Variants in ITGBL1 observed in about 807,000 individuals in gnomAD.
The protein encoded by ITGBL1 is integrin subunit beta like 1.
A neutral mutation model predicts 68.5 loss-of-function variants in ITGBL1; 51 were observed. The ratio of observed to expected loss-of-function variants is 0.74; its 90% CI spans 0.59 to 0.94. ITGBL1 has a LOEUF of 0.94. Ranked by LOEUF, ITGBL1 falls within the 40% of genes least tolerant of loss-of-function variation. The pLI is 0.00. For missense variants in ITGBL1, 649 were observed against 647.4 expected (o/e 1.00, Z -0.03); for synonymous variants, 209 against 227.3 (o/e 0.92, Z 0.72).
chr13:101,694,606 AT>A (rs1157917801), intron 8 of ITGBL1, among the ~76,000 whole-genome samples: 1 of 148,854 alleles, frequency 6.7e-6, no homozygotes, highest in African/African-American at 2.6e-5. Flanking sequence ...TTTTGTGGAG[AT>A]TTGGGGGTCT....
At position 101,602,462 on chromosome 13, in the gene ITGBL1, G is replaced by A. The variant is rs567743513; in HGVS notation, c.1015+4163G>A. ...TATGAAATATGCTTTTGAAGAAGTCGTAATTGACATTATTACCAATTTTGT... is the reference window on the plus strand; with the variant it reads ...TATGAAATATGCTTTTGAAGAAGTCATAATTGACATTATTACCAATTTTGT... On this transcript the variant is annotated intron_variant, in intron 7 of 10. Transcript: ENST00000376180. Among the ~76,000 whole-genome samples the A allele has an allele frequency of 9.2e-5, 14 of 152,040 alleles. No individual in the cohort carries two copies. In the South Asian group the frequency reaches 1.2e-3, roughly 13 times the overall value.
At chr13:101,703,626 T>C (rs899059549) in intron 8 of ITGBL1, among the ~76,000 whole-genome samples, 1 of 152,142 alleles carries the variant, frequency 6.6e-6, no homozygotes, top group Non-Finnish European at 1.5e-5. Context: ...TAAGTGGGAA[T>C]GTTGGAGGTG....
chr13:101,706,680 A>G, intron 8 of ITGBL1, 76 bp from the exon 9 acceptor site: 1 of 1,454,470 alleles, frequency 6.9e-7, no homozygotes, highest in Non-Finnish European at 9.4e-7. Flanking sequence ...TGGTTTACAC[A>G]TTTCTTTCTT....
intron 7 of ITGBL1, among the ~76,000 whole-genome samples, chr13:101,618,249 C>G (rs529232482): frequency 1.3e-5 from 2 of 152,206 alleles, no homozygotes; most frequent in African/African-American, 4.8e-5. Context: ...ATGGTTGATG[C>G]CTACTATAGA....
chr13:101,568,883 G>A (rs914620864), intron 3 of ITGBL1, among the ~76,000 whole-genome samples: 31 of 152,116 alleles, frequency 2.0e-4, no homozygotes, highest in African/African-American at 6.3e-4. Flanking sequence ...GAGTGGATCC[G>A]TCAGGGGTCA....
intron 7 of ITGBL1, among the ~76,000 whole-genome samples, chr13:101,617,956 A>G (rs1431469274): frequency 2.0e-5 from 3 of 152,048 alleles, no homozygotes; most frequent in Non-Finnish European, 2.9e-5. Context: ...GCTTAGAACA[A>G]TTTTTTTCAC....
chr13:101,504,653 T>G (rs935582491), intron 2 of ITGBL1, among the ~76,000 whole-genome samples: 1 of 152,184 alleles, frequency 6.6e-6, no homozygotes, highest in African/African-American at 2.4e-5. Flanking sequence ...GTATTAATAG[T>G]GAAGTCAGAA....
chr13:101,613,059 A>G (rs949228174), intron 7 of ITGBL1, among the ~76,000 whole-genome samples: 3 of 152,112 alleles, frequency 2.0e-5, no homozygotes, highest in African/African-American at 7.2e-5. Flanking sequence ...GACTTTGTAG[A>G]GTTTTGTATT....
rs2033237402 is a variant in ITGBL1, at chr13:101,667,058, A to T, written c.1016-25527A>T. Among the ~76,000 whole-genome samples, 7 of 152,246 alleles carry T rather than the reference A, an allele frequency of 4.6e-5. No individual in the cohort carries two copies. In the South Asian group the frequency reaches 1.4e-3, roughly 31 times the overall value. On this transcript the variant is annotated intron_variant, in intron 7 of 10. Transcript: ENST00000376180. ...ATTATCTGTCGCTCTCCAGAGATTA[A>T]TAAGAAACTGAATGACATTCCAAAA... is the stretch of plus-strand genomic sequence containing the variant.
At chr13:101,501,552 A>G (rs985303858) in intron 2 of ITGBL1, among the ~76,000 whole-genome samples, 3 of 152,112 alleles carry the variant, frequency 2.0e-5, no homozygotes, top group African/African-American at 7.2e-5. Flanking sequence ...CAAAAATACA[A>G]TGTCGTAAAA....
intron 6 of ITGBL1, among the ~76,000 whole-genome samples, chr13:101,587,140 A>G (rs1035845608): frequency 1.3e-5 from 2 of 152,184 alleles, no homozygotes; most frequent in Non-Finnish European, 2.9e-5. Context: ...CTTTTAATTG[A>G]CATTCTCATT....
At chr13:101,538,590 C>T (rs1032900304) in intron 2 of ITGBL1, among the ~76,000 whole-genome samples, 2 of 151,670 alleles carry the variant, frequency 1.3e-5, no homozygotes, top group Non-Finnish European at 2.9e-5. Context: ...ACATAATAAA[C>T]AAAACTCCAG....
At chr13:101,524,044 T>G (rs2049330047) in intron 2 of ITGBL1, among the ~76,000 whole-genome samples, 1 of 152,060 alleles carries the variant, frequency 6.6e-6, no homozygotes, top group South Asian at 2.1e-4. Flanking sequence ...GAAAGAGAGG[T>G]GACAGAACCA....
intron 7 of ITGBL1, among the ~76,000 whole-genome samples, chr13:101,654,139 C>T (rs907206813): frequency 5.9e-5 from 9 of 151,904 alleles, no homozygotes; most frequent in African/African-American, 1.2e-4. Context: ...ATTTCAGGAA[C>T]GAAAAGGATC....
At chr13:101,699,460 T>C (rs2034080668) in intron 8 of ITGBL1, among the ~76,000 whole-genome samples, 1 of 152,206 alleles carries the variant, frequency 6.6e-6, no homozygotes, top group Non-Finnish European at 1.5e-5. Flanking sequence ...TGGGAGGTAA[T>C]TGAATCACGG....
chr13:101,659,262 T>G (rs1487657139), intron 7 of ITGBL1, among the ~76,000 whole-genome samples: 6 of 152,244 alleles, frequency 3.9e-5, no homozygotes, highest in Non-Finnish European at 5.9e-5. Context: ...ACTGTTAATA[T>G]TTCAATTGAT....
At chr13:101,689,211 T>TAAAAAAAAAATAAAAAAAAAAAAAAA (rs2033824800) in intron 7 of ITGBL1, among the ~76,000 whole-genome samples, 1 of 74,868 alleles carries the variant, frequency 1.3e-5, no homozygotes, top group Non-Finnish European at 2.6e-5. Context: ...AGACTCTGCC[T>TAAAAAAAAAATAAAAAAAAAAAAAAA]AAAAAAAAAA....
chr13:101,679,797 A>G (rs552421392), intron 7 of ITGBL1, among the ~76,000 whole-genome samples: 31 of 152,300 alleles, frequency 2.0e-4, no homozygotes, highest in African/African-American at 5.1e-4. Context: ...GTTTTGCTCT[A>G]TGGTTTGGAA....
At chr13:101,514,942 G>GA (rs1399823989) in intron 2 of ITGBL1, among the ~76,000 whole-genome samples, 7 of 151,984 alleles carry the variant, frequency 4.6e-5, no homozygotes, top group Non-Finnish European at 8.8e-5. Context: ...ATCTAAGTAT[G>GA]AAAATACAAA....
Sources: gnomAD v4.1 joint callset for allele counts (sites outside exome capture counted in the v4.1 genomes callset) on GRCh38, gnomAD v4.1.1 for gene constraint, MANE v1.5 for transcripts, NCBI Gene and HGNC (gene_info 2026-07-23, HGNC 2026-07-21) for gene names.